RHD: variants seen among roughly 807,000 people sequenced by gnomAD.
RHD encodes the protein Rh blood group D antigen.
In RHD, 16 loss-of-function variants were observed where a neutral mutation model predicts 45.5. The observed-to-expected ratio is 0.35, with a 90% CI of 0.24 to 0.53. The LOEUF (loss-of-function observed/expected upper bound fraction) is 0.53. Ranked by LOEUF, RHD falls within the 20% of genes least tolerant of loss-of-function variation. RHD has a pLI of 0.92. For synonymous variants in RHD, 131 were observed against 217.5 expected (o/e 0.60, Z 3.50); for missense variants, 306 against 532.0 (o/e 0.58, Z 4.18).
intron 3 of RHD, among the ~76,000 whole-genome samples, chr1:25,300,589 C>T (rs1643310280): frequency 7.7e-6 from 1 of 130,160 alleles, no homozygotes; most frequent in African/African-American, 2.6e-5. Flanking sequence ...GCGGGTGGAT[C>T]GCCTGAGGTC....
rs1453376111 is a variant in RHD at position 25,307,744 on chromosome 1, G to A, written c.1073+1015G>A. On this transcript the variant is annotated intron_variant, in intron 7 of 9. Transcript: ENST00000328664. ...TCAGAGAAATCATGGAGGCGCTGCG[G>A]TTCCTACCGGTTCTTGGATGCCTTC... 2.3e-6 allele frequency: 3 copies of A among 1,307,304 alleles called. 1 individual carries two copies. Among genetic ancestry groups the A allele is most frequent in the Non-Finnish European group, 3.2e-6 (3 of 949,266 alleles). 81.0% of individuals were successfully genotyped at this position (1,307,304 alleles called of 1,614,324 possible). A position where few individuals can be genotyped will look rare whatever the true frequency, so the allele number is the denominator to read the frequency against.
In RHD at chr1:25,318,941, CAG is replaced by C. The variant is rs374525008; in HGVS notation, c.1153+1865_1153+1866del. ...TACCATGTCTGGCCTTAGCTTTTTG[CAG>C]AGTCTTTGTGAAGAAGCAGAGGCGG... On this transcript the variant is annotated intron_variant, in intron 8 of 9. Coordinates refer to ENST00000328664, the MANE Select transcript of RHD (RefSeq NM_016124.6). Among the ~76,000 whole-genome samples, 184 of 133,264 alleles carry C rather than the reference CAG, an allele frequency of 1.4e-3. 28 individuals are homozygous for C. Among genetic ancestry groups the C allele is most frequent in the African/African-American group, 4.4e-3 (174 of 39,224 alleles). The allele number at this position is 133,264 out of a possible 152,430, so 87.4% of individuals were successfully genotyped here.
chr1:25,297,333 GC>G (rs1054685398), intron 3 of RHD, among the ~76,000 whole-genome samples: 1 of 97,178 alleles, frequency 1.0e-5, no homozygotes, highest in African/African-American at 3.5e-5. Flanking sequence ...CTATCAATTT[GC>G]CCCATTACTG....
chr1:25,305,373 GATAT>G (rs1378740803), intron 6 of RHD, among the ~76,000 whole-genome samples: 1 of 68,996 alleles, frequency 1.4e-5, no homozygotes, highest in Non-Finnish European at 3.6e-5. Flanking sequence ...GAGGAGTCTG[GATAT>G]TTATTTATTT....
chr1:25,310,699 C>T (rs1240794508), intron 7 of RHD, among the ~76,000 whole-genome samples: 3 of 132,568 alleles, frequency 2.3e-5, no homozygotes, highest in Admixed American at 1.5e-4. Flanking sequence ...ATGCCAGGCA[C>T]GGTGTCTCAG....
intron 1 of RHD, among the ~76,000 whole-genome samples, chr1:25,280,229 T>A: frequency 7.8e-6 from 1 of 127,796 alleles, no homozygotes; most frequent in Non-Finnish European, 1.8e-5. Context: ...CGCGTATACC[T>A]GGAATCAGGG....
intron 1 of RHD, among the ~76,000 whole-genome samples, chr1:25,276,586 T>A (rs1641017664): frequency 8.7e-6 from 1 of 114,620 alleles, no homozygotes; most frequent in Admixed American, 8.4e-5. Context: ...TGGTGGCACA[T>A]GCCTATAGTC....
chr1:25,289,432 T>G lies in RHD; in HGVS notation c.336-1209T>G, dbSNP rs1302919556. On this transcript the variant is annotated intron_variant, in intron 2 of 9. Transcript: ENST00000328664. ...CCACTCTTGAACCCCTGGCCTCAAG[T>G]GATCCACCTGCCTTGGCCTCCCAAA... 3.0e-5 allele frequency among the ~76,000 whole-genome samples: 4 copies of G among 131,320 alleles called. 1 individual carries two copies. Among genetic ancestry groups the G allele is most frequent in the African/African-American group, 7.8e-5 (3 of 38,568 alleles). 86.2% of individuals were successfully genotyped at this position (131,320 alleles called of 152,430 possible).
intron 7 of RHD, among the ~76,000 whole-genome samples, chr1:25,312,392 T>C (rs1276149143): frequency 9.3e-6 from 1 of 107,822 alleles, no homozygotes; most frequent in Non-Finnish European, 2.2e-5. Flanking sequence ...CTCACCCACA[T>C]CTGATTTAGA....
rs1397336668 is a variant in RHD at position 25,273,306 on chromosome 1, T to TG, written c.148+611_148+612insG. Among the ~76,000 whole-genome samples the TG allele has an allele frequency of 3.3e-3, 395 of 118,992 alleles. 31 individuals are homozygous for TG. Among genetic ancestry groups the TG allele is most frequent in the African/African-American group, 0.011 (383 of 33,912 alleles). The allele number at this position is 118,992 out of a possible 152,430, so 78.1% of individuals were successfully genotyped here. On this transcript the variant is annotated intron_variant, in intron 1 of 9. Transcript: ENST00000328664. ...GGGCACCACCATGCCTGGCTAATTT[T>TG]TTTTTTTTTTTTTTTTGGTAGAGAT...
chr1:25,299,167 A>C (rs1643186357), intron 3 of RHD, among the ~76,000 whole-genome samples: 1 of 125,762 alleles, frequency 8.0e-6, no homozygotes, highest in Non-Finnish European at 1.8e-5. Flanking sequence ...GGATCACTTG[A>C]GGTCAGGAGT....
chr1:25,278,287 G>A (rs1355862385), intron 1 of RHD, among the ~76,000 whole-genome samples: 1 of 130,518 alleles, frequency 7.7e-6, no homozygotes, highest in African/African-American at 2.6e-5. Context: ...GGGACAGGTT[G>A]TGAGGATGAA....
At chr1:25,305,488 C>CCGGAT (rs57346192) in intron 6 of RHD, among the ~76,000 whole-genome samples, 118,779 of 128,112 alleles carry the variant, frequency 0.93, 56,845 homozygotes, top group East Asian at 1. Flanking sequence ...CCTCCACCTC[C>CCGGAT]TGGGTTCAAG....
rs1165961867 is a variant in RHD at position 25,308,081 on chromosome 1, C to G, written c.1073+1352C>G. Reference sequence around the variant, plus strand: ...AAGGAAGGGAGCTCTTCAGCTTGCACCCATCATCACAGTGCAGGGACCCAG... The same window carrying G: ...AAGGAAGGGAGCTCTTCAGCTTGCAGCCATCATCACAGTGCAGGGACCCAG... On this transcript the variant is annotated intron_variant, in intron 7 of 9. Coordinates refer to ENST00000328664, the MANE Select transcript of RHD (RefSeq NM_016124.6). Among the ~76,000 whole-genome samples the G allele has an allele frequency of 4.7e-4, 59 of 125,102 alleles. 13 individuals are homozygous for G. Among genetic ancestry groups the G allele is most frequent in the Non-Finnish European group, 9.9e-4 (53 of 53,664 alleles). 82.1% of individuals were successfully genotyped at this position (125,102 alleles called of 152,430 possible). A position where few individuals can be genotyped will look rare whatever the true frequency, so the allele number is the denominator to read the frequency against.
In RHD at chr1:25,290,646, G is replaced by C. The variant is rs530929152; in HGVS notation, c.341G>C (p.Arg114Pro). ...GKVVITLFSI[R>P]LATMSALSVL... Reference sequence around the variant, plus strand: ...GCTCTCCCTCTCTCCCCCAGTATTCGGCTGGCCACCATGAGTGCTTTGTCG... The same window carrying C: ...GCTCTCCCTCTCTCCCCCAGTATTCCGCTGGCCACCATGAGTGCTTTGTCG... Residue 114 changes from arginine (R) to proline (P), a missense_variant, in exon 3 of 10, where the codon CGG (arginine) becomes CCG (proline). Coordinates refer to ENST00000328664, the MANE Select transcript of RHD (RefSeq NM_016124.6). 7.3e-7 allele frequency: 1 copy of C among 1,377,854 alleles called. No homozygotes were observed. The allele number at this position is 1,377,854 out of a possible 1,614,324, so 85.4% of individuals were successfully genotyped here.
rs138779920 is a variant in RHD at position 25,275,226 on chromosome 1, G to T, written c.148+2531G>T. 8.8e-4 allele frequency among the ~76,000 whole-genome samples: 116 copies of T among 132,094 alleles called. 5 individuals are homozygous for T. The East Asian group carries it at 0.021, about 24-fold the overall frequency. The allele number at this position is 132,094 out of a possible 152,430, so 86.7% of individuals were successfully genotyped here. A position where few individuals can be genotyped will look rare whatever the true frequency, so the allele number is the denominator to read the frequency against. ...AATTGCTTGAACCCAGGAGGCAGAG[G>T]TTGCTGAGCTGAGAACATGCCACTG... is the stretch of plus-strand genomic sequence containing the variant. On this transcript the variant is annotated intron_variant, in intron 1 of 9. Coordinates refer to ENST00000328664, the MANE Select transcript of RHD (RefSeq NM_016124.6).
At chr1:25,286,547 G>A (rs1365774294) in intron 2 of RHD, among the ~76,000 whole-genome samples, 1 of 134,940 alleles carries the variant, frequency 7.4e-6, no homozygotes, top group Non-Finnish European at 1.8e-5. Flanking sequence ...AGCACTTTGG[G>A]AGGCCAAGGC....
At chr1:25,285,414 A>G (rs1449631041) in intron 2 of RHD, among the ~76,000 whole-genome samples, 1 of 134,980 alleles carries the variant, frequency 7.4e-6, no homozygotes, top group Non-Finnish European at 1.8e-5. Flanking sequence ...GATTACAGAC[A>G]TGAGCCACCG....
rs1640792676 is a variant in RHD, at chr1:25,274,733, G to A, written c.148+2038G>A. Among the ~76,000 whole-genome samples, 2 of 134,122 alleles carry A rather than the reference G, an allele frequency of 1.5e-5. 1 individual carries two copies. Among genetic ancestry groups the A allele is most frequent in the South Asian group, 4.5e-4 (2 of 4,432 alleles). The allele number at this position is 134,122 out of a possible 152,430, so 88.0% of individuals were successfully genotyped here. On this transcript the variant is annotated intron_variant, in intron 1 of 9. Coordinates refer to ENST00000328664, the MANE Select transcript of RHD (RefSeq NM_016124.6). ...TAAAAGGGGAAACAAAGGGCCGGGC[G>A]ACGTGGCTCACGCCTGTAATCCCGG...
Sources: gnomAD v4.1 joint callset for allele counts (sites outside exome capture counted in the v4.1 genomes callset) on GRCh38, gnomAD v4.1.1 for gene constraint, MANE v1.5 for transcripts, NCBI Gene and HGNC (gene_info 2026-07-23, HGNC 2026-07-21) for gene names.